The following PCMTD1 variants were observed in gnomAD, a reference collection of about 807,000 sequenced individuals.
The protein encoded by PCMTD1 is protein-L-isoaspartate (D-aspartate) O-methyltransferase domain containing 1.
In PCMTD1, 12 loss-of-function variants were observed where a neutral mutation model predicts 37.6. That is an observed-to-expected ratio of 0.32 (90% CI 0.20 to 0.52). PCMTD1 has a LOEUF of 0.52. PCMTD1 is among the 20% of genes least tolerant of loss of function. The pLI, the probability that PCMTD1 is intolerant of heterozygous loss-of-function variation, is 0.97. For missense variants in PCMTD1, 235 were observed against 421.3 expected (o/e 0.56, Z 3.87); for synonymous variants, 117 against 135.8 (o/e 0.86, Z 0.96).
chr8:51,842,617 C>A (rs7011496), intron 3 of PCMTD1, among the ~76,000 whole-genome samples: 2 of 151,880 alleles, frequency 1.3e-5, no homozygotes, highest in Admixed American at 6.6e-5. Flanking sequence ...AGCCACCACA[C>A]CCAGCCTATA....
At chr8:51,829,342 C>T (rs1033230303) in intron 5 of PCMTD1, among the ~76,000 whole-genome samples, 2 of 152,210 alleles carry the variant, frequency 1.3e-5, no homozygotes, top group African/African-American at 4.8e-5. Flanking sequence ...TCTGCATCAT[C>T]GCACACATTC....
At chr8:51,881,821 G>A (rs890243754) in intron 1 of PCMTD1, among the ~76,000 whole-genome samples, 3 of 152,152 alleles carry the variant, frequency 2.0e-5, no homozygotes, top group Non-Finnish European at 4.4e-5. Flanking sequence ...TTTCAAAAGT[G>A]CATTATCTAA....
intron 2 of PCMTD1, among the ~76,000 whole-genome samples, chr8:51,855,279 G>C (rs1272400240): frequency 2.7e-5 from 4 of 147,994 alleles, no homozygotes; most frequent in Non-Finnish European, 5.9e-5. Context: ...TGTAATCCCA[G>C]CACTTTGGGA....
At chr8:51,864,014 T>G (rs1009627745) in intron 1 of PCMTD1, among the ~76,000 whole-genome samples, 1 of 151,400 alleles carries the variant, frequency 6.6e-6, no homozygotes, top group South Asian at 2.1e-4. Context: ...GACCCAACAA[T>G]ATGCCGCCTA....
At chr8:51,831,683 T>A in intron 4 of PCMTD1, 116 bp from the exon 5 acceptor site, 1 of 955,450 alleles carries the variant, frequency 1.0e-6, no homozygotes, top group Non-Finnish European at 1.5e-6. Context: ...CACAATCACT[T>A]AAATGTAAAT....
intron 1 of PCMTD1, among the ~76,000 whole-genome samples, chr8:51,869,177 A>C (rs1052622278): frequency 6.6e-6 from 1 of 152,180 alleles, no homozygotes; most frequent in East Asian, 1.9e-4. Context: ...TACTGTGATA[A>C]TTCAATAATA....
intron 2 of PCMTD1, among the ~76,000 whole-genome samples, chr8:51,855,825 A>G (rs2129284874): frequency 6.6e-6 from 1 of 151,896 alleles, no homozygotes; most frequent in Middle Eastern, 3.4e-3. Context: ...ATGCCTGGCT[A>G]ATTTTTTGAT....
chr8:51,849,933 C>T lies in PCMTD1; in HGVS notation c.308-4170G>A, dbSNP rs1220861495. ...AAGGAAACCTGAGAGTTCCACACTG[C>T]ATTTGAATGAAGTTCACTGTGCCTT... On this transcript the variant is annotated intron_variant, in intron 2 of 5. Coordinates refer to ENST00000522514, the MANE Select transcript of PCMTD1 (RefSeq NM_052937.4). 4 of 637,864 alleles carry T rather than the reference C, an allele frequency of 6.3e-6. No individual in the cohort carries two copies. The African/African-American group carries it at 7.3e-5, about 12-fold the overall frequency. The allele number at this position is 637,864 out of a possible 1,614,324, so 39.5% of individuals were successfully genotyped here.
At chr8:51,869,925 G>A (rs1177295555) in intron 1 of PCMTD1, among the ~76,000 whole-genome samples, 5 of 152,094 alleles carry the variant, frequency 3.3e-5, no homozygotes, top group Non-Finnish European at 5.9e-5. Context: ...TGTTCCAAAC[G>A]TTTCTTGCTA....
At position 51,818,065 on chromosome 8, in the gene PCMTD1, C is replaced by G; in HGVS notation, c.*2286G>C. The G allele has an allele frequency of 2.5e-6, 1 of 397,232 alleles. No homozygotes were observed. The highest frequency in any genetic ancestry group is 1.9e-5 in the South Asian group (1 of 52,214). The allele number at this position is 397,232 out of a possible 1,614,324, so 24.6% of individuals were successfully genotyped here. A position where few individuals can be genotyped will look rare whatever the true frequency, so the allele number is the denominator to read the frequency against. On this transcript the variant is annotated 3_prime_UTR_variant, in exon 6 of 6. Coordinates refer to ENST00000522514, the MANE Select transcript of PCMTD1 (RefSeq NM_052937.4). ...TTTTCCACCTATAAAGCGTAATTTTCCATATCAAGTAAACATAAATTCATT... is the reference window on the plus strand; with the variant it reads ...TTTTCCACCTATAAAGCGTAATTTTGCATATCAAGTAAACATAAATTCATT...
intron 1 of PCMTD1, among the ~76,000 whole-genome samples, chr8:51,890,582 A>C (rs1335824273): frequency 6.6e-6 from 1 of 152,236 alleles, no homozygotes. Flanking sequence ...CTCAAGGCCC[A>C]GTATTTTAAA....
At chr8:51,832,319 C>A (rs2129276065) in intron 4 of PCMTD1, among the ~76,000 whole-genome samples, 1 of 152,274 alleles carries the variant, frequency 6.6e-6, no homozygotes, top group South Asian at 2.1e-4. Flanking sequence ...GCCCTGGAAG[C>A]ATTCTAATAA....
intron 2 of PCMTD1, among the ~76,000 whole-genome samples, chr8:51,855,488 G>GT (rs1359417713): frequency 6.9e-6 from 1 of 145,326 alleles, no homozygotes; most frequent in Admixed American, 6.8e-5. Flanking sequence ...AGCTGCGATC[G>GT]TGTCACTGCA....
chr8:51,857,003 C>A (rs567706917), intron 2 of PCMTD1, among the ~76,000 whole-genome samples: 1 of 152,228 alleles, frequency 6.6e-6, no homozygotes, highest in Non-Finnish European at 1.5e-5. Context: ...GCAGAGCGAG[C>A]AAGAGAGAAC....
intron 3 of PCMTD1, among the ~76,000 whole-genome samples, chr8:51,837,873 G>A (rs919884449): frequency 7.2e-5 from 11 of 151,964 alleles, no homozygotes; most frequent in African/African-American, 1.5e-4. Context: ...TCCACCTCTC[G>A]GGTTCAAGCA....
At chr8:51,869,453 C>T (rs931182649) in intron 1 of PCMTD1, among the ~76,000 whole-genome samples, 4 of 151,998 alleles carry the variant, frequency 2.6e-5, no homozygotes, top group African/African-American at 9.7e-5. Context: ...CTCCTAAGGT[C>T]CCTCAGAGCT....
At chr8:51,874,223 T>C (rs1461737431) in intron 1 of PCMTD1, among the ~76,000 whole-genome samples, 1 of 152,238 alleles carries the variant, frequency 6.6e-6, no homozygotes, top group African/African-American at 2.4e-5. Context: ...CTGTCATCAA[T>C]GATTCCATGA....
At chr8:51,898,288 C>G (rs1474140282) in intron 1 of PCMTD1, among the ~76,000 whole-genome samples, 1 of 152,112 alleles carries the variant, frequency 6.6e-6, no homozygotes, top group African/African-American at 2.4e-5. Context: ...GGGTTCTGCC[C>G]GTGGGTCCTC....
chr8:51,862,006 C>T (rs533911079), intron 1 of PCMTD1, among the ~76,000 whole-genome samples: 1 of 152,238 alleles, frequency 6.6e-6, no homozygotes, highest in South Asian at 2.1e-4. Context: ...AAGCCACGTG[C>T]CCGACCTCCA....
Sources: allele counts gnomAD v4.1 joint callset (sites outside exome capture counted in the v4.1 genomes callset), GRCh38; gene constraint gnomAD v4.1.1; transcripts MANE v1.5; gene names NCBI Gene and HGNC (gene_info 2026-07-23, HGNC 2026-07-21).